The following EXOC6B variants were observed in gnomAD, a reference collection of about 807,000 sequenced individuals.
The protein encoded by EXOC6B is SEC15 homolog B.
EXOC6B carries 54 observed loss-of-function variants against 113.5 expected under a neutral mutation model. That is an observed-to-expected ratio of 0.48 (90% confidence interval 0.38 to 0.60). EXOC6B has a LOEUF of 0.60. Among genes scored for constraint, EXOC6B ranks in the 20% least tolerant of loss-of-function variants. The probability of loss-of-function intolerance (pLI) is 0.00; values close to 1 mark genes in which losing one functional copy is unlikely to be tolerated. For synonymous variants in EXOC6B, 357 were observed against 339.0 expected, an observed-to-expected ratio of 1.05 and a Z score of -0.58; for missense variants, 797 against 977.5, an observed-to-expected ratio of 0.82 and a Z score of 2.46.
intron 20 of EXOC6B, among the ~76,000 whole-genome samples, chr2:72,208,787 T>A (rs960591651): frequency 1.1e-4 from 17 of 152,190 alleles, no homozygotes; most frequent in Non-Finnish European, 2.9e-5. Context: ...TCTTCCAATG[T>A]CACTAAGCAT....
intron 1 of EXOC6B, among the ~76,000 whole-genome samples, chr2:72,790,432 T>A (rs1300050381): frequency 6.6e-6 from 1 of 152,126 alleles, no homozygotes; most frequent in Non-Finnish European, 1.5e-5. Context: ...AAATCTATAA[T>A]ATGCGCTTTC....
At chr2:72,183,934 C>T in intron 21 of EXOC6B, 141 bp downstream of exon 21, 1 of 523,644 alleles carries the variant, frequency 1.9e-6, no homozygotes. Flanking sequence ...ACTGAGATTG[C>T]TGACAGCACC....
Position 72,514,817 on chromosome 2 carries a change from C to A in EXOC6B, c.1000-137G>T. Reference sequence around the variant, plus strand: ...AAGGTAAAAATAATAATATTATCTACCAATGAAGAGGAAATATGACAGCAC... The same window carrying A: ...AAGGTAAAAATAATAATATTATCTAACAATGAAGAGGAAATATGACAGCAC... On this transcript the variant is annotated intron_variant, in intron 9 of 21. Coordinates refer to ENST00000272427, the MANE Select transcript of EXOC6B (RefSeq NM_015189.3). The A allele has an allele frequency of 6.3e-6, 4 of 639,488 alleles. No homozygotes were observed. In the South Asian group the frequency reaches 9.1e-5, roughly 15 times the overall value. The allele number at this position is 639,488 out of a possible 1,614,324, so 39.6% of individuals were successfully genotyped here.
At position 72,491,066 on chromosome 2, in the gene EXOC6B, T is replaced by G. The variant is rs374384880; in HGVS notation, c.1665+1252A>C. Among the ~76,000 whole-genome samples, 30 of 152,330 alleles carry G rather than the reference T, an allele frequency of 2.0e-4. No homozygotes were observed. The East Asian group carries it at 2.9e-3, about 15-fold the overall frequency. On this transcript the variant is annotated intron_variant, in intron 16 of 21. Coordinates refer to ENST00000272427, the MANE Select transcript of EXOC6B (RefSeq NM_015189.3). ...ATCTAACAAAAGCAGGAGGACTTCC[T>G]AATTTTCACTCCAACCTTCCTTTTC...
At chr2:72,182,783 C>T (rs553870929) in intron 21 of EXOC6B, 45 of 734,844 alleles carry the variant, frequency 6.1e-5, no homozygotes, top group African/African-American at 2.4e-4. Context: ...TATGTCAGGG[C>T]GGGGACAACT....
Position 72,733,074 on chromosome 2 carries a change from C to T in EXOC6B, c.324G>A (p.Lys108=), listed in dbSNP as rs746189412. 5.7e-6 allele frequency: 9 copies of T among 1,588,562 alleles called. No homozygotes were observed. Among genetic ancestry groups the T allele is most frequent in the African/African-American group, 2.7e-5 (2 of 74,586 alleles). ...TCAAAAGGTAAACTGGTCTTACTTC[C>T]TTTCCCTCATGTTGTAGTTTTCTAT... ...DTNRKLQHEG[K]ELVIAMEELK... The change falls in exon 3 of 22, where the codon AAG becomes AAA. Residue 108 remains lysine (K), a synonymous_variant. Transcript: ENST00000272427.
intron 20 of EXOC6B, among the ~76,000 whole-genome samples, chr2:72,238,887 T>C (rs893698058): frequency 2.0e-5 from 3 of 152,138 alleles, no homozygotes; most frequent in Non-Finnish European, 4.4e-5. Flanking sequence ...GCAGCTCAAA[T>C]GTTTTTAGTT....
intron 1 of EXOC6B, among the ~76,000 whole-genome samples, chr2:72,787,649 T>G (rs1253050137): frequency 2.0e-5 from 3 of 152,200 alleles, no homozygotes; most frequent in Non-Finnish European, 4.4e-5. Flanking sequence ...ATTACTGGTC[T>G]AATTTCTTTG....
intron 6 of EXOC6B, among the ~76,000 whole-genome samples, chr2:72,640,240 C>G (rs932999806): frequency 6.6e-6 from 1 of 151,978 alleles, no homozygotes; most frequent in Non-Finnish European, 1.5e-5. Flanking sequence ...TTATTAATAT[C>G]AAAATGAACT....
rs559333398 is a variant in EXOC6B, at chr2:72,639,263, C to T, written c.670-63595G>A. On this transcript the variant is annotated intron_variant, in intron 6 of 21. Transcript: ENST00000272427. ...GCCCTGACCCCACTAGTGCCCCATC[C>T]TTACACTAACACTGCGAAGAGAATG... 3.2e-4 allele frequency among the ~76,000 whole-genome samples: 49 copies of T among 152,284 alleles called. No homozygotes were observed. The South Asian group carries it at 0.01, about 32-fold the overall frequency.
At chr2:72,403,769 G>C (rs1046764947) in intron 18 of EXOC6B, among the ~76,000 whole-genome samples, 1 of 152,144 alleles carries the variant, frequency 6.6e-6, no homozygotes, top group Admixed American at 6.5e-5. Flanking sequence ...CCAGTCTACA[G>C]CTCCCAGCGT....
rs373397995 is a variant in EXOC6B, at chr2:72,631,567, C to T, written c.670-55899G>A. Among the ~76,000 whole-genome samples the T allele has an allele frequency of 1.9e-4, 28 of 150,318 alleles. 2 individuals carry two copies. Among genetic ancestry groups the T allele is most frequent in the East Asian group, 5.9e-4 (3 of 5,074 alleles). On this transcript the variant is annotated intron_variant, in intron 6 of 21. Transcript: ENST00000272427. ...TCACCCAGGCTGGAGTACAATGGCA[C>T]GATCACTGCTTACTGAAGCCTTGAC...
intron 20 of EXOC6B, among the ~76,000 whole-genome samples, chr2:72,331,224 C>A (rs547005978): frequency 6.6e-6 from 1 of 152,134 alleles, no homozygotes; most frequent in African/African-American, 2.4e-5. Context: ...CCAGAGGGCA[C>A]AGATTATACT....
chr2:72,825,168 G>T lies in EXOC6B; in HGVS notation c.113+630C>A, dbSNP rs1441368708. Among the ~76,000 whole-genome samples, 1 of 152,130 alleles carries T rather than the reference G, an allele frequency of 6.6e-6. No homozygotes were observed. Among genetic ancestry groups the T allele is most frequent in the African/African-American group, 2.4e-5 (1 of 41,430 alleles). On this transcript the variant is annotated intron_variant, in intron 1 of 21. Transcript: ENST00000272427. This position sits in a 1 kb window ranked among gnomAD's most constrained non-coding sequence, Gnocchi z 4.4. ...TGCGTGCAAAAAAAAATGATAACTG[G>T]GGGGCGGCAGCAGGGTCAGTTTTCC...
At chr2:72,509,814 CTTTA>C (rs1044825514) in intron 11 of EXOC6B, among the ~76,000 whole-genome samples, 1 of 151,500 alleles carries the variant, frequency 6.6e-6, no homozygotes, top group South Asian at 2.1e-4. Flanking sequence ...TTAATTTTTC[CTTTA>C]TTTATTTCTT....
chr2:72,669,162 G>A (rs1023238651), intron 6 of EXOC6B, among the ~76,000 whole-genome samples: 3 of 151,828 alleles, frequency 2.0e-5, no homozygotes, highest in African/African-American at 7.3e-5. Context: ...ATTCAAATAT[G>A]GAAAAATAGT....
chr2:72,546,428 C>A (rs567270348), intron 8 of EXOC6B, among the ~76,000 whole-genome samples: 2 of 151,684 alleles, frequency 1.3e-5, no homozygotes, highest in South Asian at 2.1e-4. Flanking sequence ...GGCGACAGAG[C>A]GAGACTCCAT....
intron 6 of EXOC6B, among the ~76,000 whole-genome samples, chr2:72,716,850 T>C (rs1031115850): frequency 5.3e-5 from 8 of 152,148 alleles, no homozygotes; most frequent in Non-Finnish European, 1.0e-4. Context: ...AGCAGAGGCC[T>C]AGAAAAAGCA....
rs893548548 is a variant in EXOC6B at position 72,699,520 on chromosome 2, C to G, written c.669+18583G>C. 3.9e-5 allele frequency among the ~76,000 whole-genome samples: 6 copies of G among 151,930 alleles called. No individual in the cohort carries two copies. The Middle Eastern group carries it at 0.01, about 260-fold the overall frequency. ...GAAAGAAAGTCAAACAATACATGCC[C>G]CATTAGGCCACAGACTTCTTCATTA... On this transcript the variant is annotated intron_variant, in intron 6 of 21. Coordinates refer to ENST00000272427, the MANE Select transcript of EXOC6B (RefSeq NM_015189.3).
Sources: allele counts gnomAD v4.1 joint callset (sites outside exome capture counted in the v4.1 genomes callset), GRCh38; gene constraint gnomAD v4.1.1; non-coding constraint Gnocchi (gnomAD v3.1); transcripts MANE v1.5; gene names NCBI Gene and HGNC (gene_info 2026-07-23, HGNC 2026-07-21).